Variants in MAP7D1 observed in about 807,000 individuals in gnomAD.
MAP7D1 encodes MAP7 domain containing 1, also known as MAP7 domain-containing protein 1.
Under a neutral mutation model 97.5 loss-of-function variants are expected in MAP7D1, and 30 were observed. That is an observed-to-expected ratio of 0.31 (90% confidence interval 0.23 to 0.42). MAP7D1 has a LOEUF of 0.42. Among genes scored for constraint, MAP7D1 ranks in the 10% least tolerant of loss-of-function variants. The pLI is 1.00. For missense variants in MAP7D1, 1,184 were observed against 1,179.5 expected, an observed-to-expected ratio of 1.00 and a Z score of -0.06; for synonymous variants, 536 against 477.1, an observed-to-expected ratio of 1.12 and a Z score of -1.61.
rs200109862 is a variant in MAP7D1 at position 36,179,913 on chromosome 1, C to T, written c.2358C>T (p.Gly786=). The T allele has an allele frequency of 3.0e-5, 48 of 1,613,928 alleles. No homozygotes were observed. The highest frequency in any genetic ancestry group is 1.7e-4 in the Admixed American group (10 of 59,994). Residue 786 remains glycine, a synonymous_variant, in exon 16 of 17, where the codon GGC becomes GGT. Transcript: ENST00000474796. ...AGTTGCCAGCGTCCCTGGTGAATGG[C>T]CTGCAGCCTCTCCCAGCACACCAGG... ...SKELPASLVN[G]LQPLPAHQEN...
Position 36,170,962 on chromosome 1 carries a change from G to A in MAP7D1, c.47-9G>A, listed in dbSNP as rs768615322. ...CTGACCTCTCTCCTCTCTTGTGTTGGTCTTTCAGCTGTGGTCGCCAGGACC... is the reference window on the plus strand; with the variant it reads ...CTGACCTCTCTCCTCTCTTGTGTTGATCTTTCAGCTGTGGTCGCCAGGACC... On this transcript the variant is annotated splice_polypyrimidine_tract_variant and intron_variant, in intron 1 of 16. Transcript: ENST00000474796. The A allele has an allele frequency of 1.2e-5, 15 of 1,241,956 alleles. No homozygotes were observed. The highest frequency in any genetic ancestry group is 1.7e-5 in the Non-Finnish European group (15 of 860,370). The allele number at this position is 1,241,956 out of a possible 1,614,324, so 76.9% of individuals were successfully genotyped here.
chr1:36,180,659 A>C lies in MAP7D1; in HGVS notation c.*401A>C. Reference sequence around the variant, plus strand: ...GTGCAGGAGGCAGACCCTCCCCCCAAAGCCCCCTGGGGAGATCTTCCTCTC... The same window carrying C: ...GTGCAGGAGGCAGACCCTCCCCCCACAGCCCCCTGGGGAGATCTTCCTCTC... On this transcript the variant is annotated 3_prime_UTR_variant, in exon 17 of 17. Coordinates refer to ENST00000474796, the MANE Select transcript of MAP7D1 (RefSeq NM_001388490.1). The C allele has an allele frequency of 7.7e-6, 2 of 260,718 alleles. No homozygotes were observed. Among genetic ancestry groups the C allele is most frequent in the Non-Finnish European group, 1.5e-5 (2 of 133,932 alleles). The allele number at this position is 260,718 out of a possible 1,614,324, so 16.2% of individuals were successfully genotyped here.
intron 10 of MAP7D1, 28 bp downstream of exon 10, chr1:36,178,624 C>A: frequency 1.0e-5 from 16 of 1,548,002 alleles, no homozygotes; most frequent in East Asian, 2.4e-5. Flanking sequence ...ACTGAGGGGG[C>A]CCTCGTGGGC....
At chr1:36,158,991 T>G (rs573990801) in intron 1 of MAP7D1, among the ~76,000 whole-genome samples, 1 of 152,240 alleles carries the variant, frequency 6.6e-6, no homozygotes. Flanking sequence ...ACACTTAGAC[T>G]AGGCCCTGGC....
chr1:36,162,447 C>T (rs907597048), intron 1 of MAP7D1, among the ~76,000 whole-genome samples: 33 of 152,188 alleles, frequency 2.2e-4, no homozygotes, highest in African/African-American at 6.8e-4. Context: ...AATGTGACTG[C>T]CTACCAGAAA....
At chr1:36,178,328 C>T in intron 9 of MAP7D1, 91 bp from the exon 10 acceptor site, 1 of 1,488,464 alleles carries the variant, frequency 6.7e-7, no homozygotes, top group South Asian at 1.3e-5. Flanking sequence ...CTCCTGCCCT[C>T]AGCAGTCCCA....
intron 12 of MAP7D1, 84 bp from the exon 13 acceptor site, chr1:36,179,176 TAA>T (rs1644679181): frequency 6.5e-7 from 1 of 1,545,298 alleles, no homozygotes; most frequent in Non-Finnish European, 8.9e-7. Context: ...TGGGAGGCCC[TAA>T]GACTCCGAGG....
chr1:36,177,501 G>T (rs921478976), intron 8 of MAP7D1: 31 of 500,568 alleles, frequency 6.2e-5, no homozygotes, highest in Non-Finnish European at 1.1e-4. Flanking sequence ...TCCAGCCTGG[G>T]GGTCAGCCAG....
Position 36,171,170 on chromosome 1 carries a change from G to A in MAP7D1, c.246G>A (p.Pro82=), listed in dbSNP as rs200123517. Residue 82 remains proline, a synonymous_variant, in exon 2 of 17, where the codon CCG becomes CCA. Coordinates refer to ENST00000474796, the MANE Select transcript of MAP7D1 (RefSeq NM_001388490.1). ...SGQVGPRPAP[P]QEESPSSEAK... ...AGGTCGGGCCTAGGCCAGCCCCCCCGCAGGAAGAGTCCCCTTCCTCTGAAG... is the reference window on the plus strand; with the variant it reads ...AGGTCGGGCCTAGGCCAGCCCCCCCACAGGAAGAGTCCCCTTCCTCTGAAG... The A allele has an allele frequency of 8.2e-5, 133 of 1,613,418 alleles. No homozygotes were observed. The highest frequency in any genetic ancestry group is 1.5e-4 in the Admixed American group (9 of 59,962).
In MAP7D1 at chr1:36,172,543, C is replaced by T; in HGVS notation, c.540C>T (p.Arg180=). 6 of 1,603,108 alleles carry T rather than the reference C, an allele frequency of 3.7e-6. No homozygotes were observed. Among genetic ancestry groups the T allele is most frequent in the Non-Finnish European group, 5.1e-6 (6 of 1,171,874 alleles). ...AGAAGCAGCTCCAGGAGCGCCGGCG[C>T]CGGCTGGAGGAGCAACGTCTTAAAG... ...LREKQLQERR[R]RLEEQRLKAE... The change falls in exon 4 of 17, where the codon CGC becomes CGT. Residue 180 remains arginine (R), a synonymous_variant. Transcript: ENST00000474796.
intron 1 of MAP7D1, among the ~76,000 whole-genome samples, chr1:36,167,851 A>G (rs1411622754): frequency 9.9e-5 from 15 of 152,164 alleles, no homozygotes; most frequent in Non-Finnish European, 1.5e-5. Flanking sequence ...TGATTTGCCT[A>G]GGTGTAGACA....
intron 1 of MAP7D1, among the ~76,000 whole-genome samples, chr1:36,165,464 CTT>C (rs538278038): frequency 2.5e-4 from 34 of 135,960 alleles, no homozygotes; most frequent in Non-Finnish European, 3.5e-4. Context: ...TTTTCTTTTT[CTT>C]TTTTTTTTTT....
Position 36,176,418 on chromosome 1 carries a change from C to T in MAP7D1, c.1070C>T (p.Ala357Val), listed in dbSNP as rs1291245048. 1.3e-6 allele frequency: 2 copies of T among 1,533,884 alleles called. No individual in the cohort carries two copies. Among genetic ancestry groups the T allele is most frequent in the South Asian group, 1.2e-5 (1 of 84,162 alleles). ...CCCGACCGCACTCATCCCTCTGCAGCCGTGCCGGTGTGCCCGCGCTCGGCC... is the reference window on the plus strand; with the variant it reads ...CCCGACCGCACTCATCCCTCTGCAGTCGTGCCGGTGTGCCCGCGCTCGGCC... ...PQPDRTHPSA[A>V]VPVCPRSASA... Residue 357 changes from alanine (A) to valine (V), a missense_variant, in exon 7 of 17, where the codon GCC (alanine) becomes GTC (valine). By Grantham distance (64) the Ala-to-Val change is moderately conservative (BLOSUM62 0). Coordinates refer to ENST00000474796, the MANE Select transcript of MAP7D1 (RefSeq NM_001388490.1). The surrounding 1 kb of genome is among the most constrained non-coding windows in gnomAD (Gnocchi z 6.1).
At chr1:36,169,043 G>A (rs935137847) in intron 1 of MAP7D1, among the ~76,000 whole-genome samples, 2 of 151,558 alleles carry the variant, frequency 1.3e-5, no homozygotes, top group African/African-American at 4.9e-5. Flanking sequence ...CCTGAAGTCG[G>A]GAGTTCGAGA....
At chr1:36,179,841 T>C in intron 15 of MAP7D1, 33 bp from the exon 16 acceptor site, 1 of 1,586,504 alleles carries the variant, frequency 6.3e-7, no homozygotes, top group Non-Finnish European at 8.6e-7. Context: ...TCCTGGGAGG[T>C]GAGGTGCTGA....
In MAP7D1 at chr1:36,177,964, C is replaced by T; in HGVS notation, c.1471C>T (p.Pro491Ser). ...CPSPGPGHTL[P>S]PKPPSPRGTT... ...CAGCCCAGGGCCAGGCCACACTCTG[C>T]CTCCAAAGCCACCGTCCCCCCGAGG... Residue 491 changes from proline to serine, a missense_variant, in exon 9 of 17, where the codon CCT becomes TCT. Coordinates refer to ENST00000474796, the MANE Select transcript of MAP7D1 (RefSeq NM_001388490.1). 1 of 1,602,482 alleles carries T rather than the reference C, an allele frequency of 6.2e-7. No homozygotes were observed.
chr1:36,178,905 T>TG lies in MAP7D1; in HGVS notation c.2026-11dup. 1.3e-6 allele frequency: 2 copies of TG among 1,551,496 alleles called. No individual in the cohort carries two copies. The highest frequency in any genetic ancestry group is 1.7e-6 in the Non-Finnish European group (2 of 1,147,302). On this transcript the variant is annotated splice_polypyrimidine_tract_variant and intron_variant, in intron 11 of 16. Coordinates refer to ENST00000474796, the MANE Select transcript of MAP7D1 (RefSeq NM_001388490.1). The stretch of plus-strand genomic sequence containing the variant: ...GCTGGAGTCAAGTGCCCCACGCTCA[T>TG]GGGGGTCTTTGGCAGAAAGAGGAGG...
chr1:36,160,909 G>C (rs780315922), intron 1 of MAP7D1, among the ~76,000 whole-genome samples: 19 of 152,322 alleles, frequency 1.2e-4, no homozygotes, highest in Admixed American at 7.2e-4. Context: ...TAGTCCAGCT[G>C]GGGGGGCATC....
rs1644572177 is a variant in MAP7D1 at position 36,173,290 on chromosome 1, G to A, written c.625-74G>A. 12 of 1,114,260 alleles carry A rather than the reference G, an allele frequency of 1.1e-5. No individual in the cohort carries two copies. In the South Asian group the frequency reaches 1.5e-4, roughly 14 times the overall value. The allele number at this position is 1,114,260 out of a possible 1,614,324, so 69.0% of individuals were successfully genotyped here. A position where few individuals can be genotyped will look rare whatever the true frequency, so the allele number is the denominator to read the frequency against. On this transcript the variant is annotated intron_variant, in intron 4 of 16. Transcript: ENST00000474796. ...AGTGGGGGAGGCATTGTCACAGGAGGAAGAAGGGCCTCTATCCCAAATTCG... is the reference window on the plus strand; with the variant it reads ...AGTGGGGGAGGCATTGTCACAGGAGAAAGAAGGGCCTCTATCCCAAATTCG...
Sources: gnomAD v4.1 joint callset for allele counts (sites outside exome capture counted in the v4.1 genomes callset) on GRCh38, gnomAD v4.1.1 for gene constraint, Gnocchi (gnomAD v3.1) non-coding constraint, MANE v1.5 for transcripts, NCBI Gene and HGNC (gene_info 2026-07-23, HGNC 2026-07-21) for gene names.